Variants in PCDHGB2 observed in about 807,000 individuals in gnomAD.
PCDHGB2 encodes the protein protocadherin gamma-B2.
In PCDHGB2, 55 loss-of-function variants were observed where a neutral mutation model predicts 59.3. That is an observed-to-expected ratio of 0.93 (90% CI 0.75 to 1.16). PCDHGB2 has a LOEUF of 1.16. Among genes scored for constraint, PCDHGB2 ranks in the 50% most tolerant of loss-of-function variants. PCDHGB2 has a pLI of 0.00. For missense variants in PCDHGB2, 1,228 were observed against 1,198.5 expected (o/e 1.02, Z -0.36); for synonymous variants, 516 against 512.0 (o/e 1.01, Z -0.11).
At chr5:141,417,913 T>C in intron 1 of PCDHGB2, 1 of 1,601,944 alleles carries the variant, frequency 6.2e-7, no homozygotes, top group Admixed American at 1.8e-5. Context: ...AGGTACTATT[T>C]CCTTTGCTGC....
Position 141,505,463 on chromosome 5 carries a change from A to G in PCDHGB2, c.2551A>G (p.Ile851Val). 1 of 1,614,184 alleles carries G rather than the reference A, an allele frequency of 6.2e-7. No homozygotes were observed. Among genetic ancestry groups the G allele is most frequent in the East Asian group, 2.2e-5 (1 of 44,876 alleles). Residue 851 changes from isoleucine to valine, a missense_variant, in exon 3 of 4, where the codon ATC (isoleucine) becomes GTC (valine). Ile to Val is a conservative substitution (Grantham distance 29). Transcript: ENST00000522605. Reference protein sequence around the residue: ...QFDTEMLQAMILASASEAADG... With the variant: ...QFDTEMLQAMVLASASEAADG... ...TGACACAGAGATGCTGCAAGCCATG[A>G]TCTTGGCGTCCGCCAGTGGTAAGTG...
intron 2 of PCDHGB2, among the ~76,000 whole-genome samples, chr5:141,504,178 A>C (rs572543892): frequency 4.5e-4 from 69 of 152,366 alleles, no homozygotes; most frequent in Non-Finnish European, 7.6e-4. Context: ...AAATTCAAAA[A>C]AATCATGAAA....
intron 1 of PCDHGB2, chr5:141,393,880 T>A (rs1561645063): frequency 6.2e-7 from 1 of 1,614,004 alleles, no homozygotes; most frequent in Non-Finnish European, 8.5e-7. Context: ...TTTAGCCCAG[T>A]GTTAGAAAAT....
chr5:141,427,193 CTT>C (rs2096998045), intron 1 of PCDHGB2: 3 of 456,614 alleles, frequency 6.6e-6, no homozygotes, highest in Non-Finnish European at 8.8e-6. Context: ...AATCCAAAGA[CTT>C]AATAGACTTC....
At position 141,487,447 on chromosome 5, in the gene PCDHGB2, C is replaced by A. The variant is rs758411138; in HGVS notation, c.2422-7360C>A. 4.3e-6 allele frequency: 7 copies of A among 1,614,182 alleles called. No homozygotes were observed. The highest frequency in any genetic ancestry group is 5.9e-6 in the Non-Finnish European group (7 of 1,180,028). Reference sequence around the variant, plus strand: ...TCCGAATCCAGCTAGGGTCAGATGACCCTATCAAGTTTGTTGATGTGGGAG... The same window carrying A: ...TCCGAATCCAGCTAGGGTCAGATGAACCTATCAAGTTTGTTGATGTGGGAG... On this transcript the variant is annotated intron_variant, in intron 1 of 3. Coordinates refer to ENST00000522605, the MANE Select transcript of PCDHGB2 (RefSeq NM_018923.3). The surrounding 1 kb of genome is among the most constrained non-coding windows in gnomAD (Gnocchi z 5.0).
rs368512862 is a variant in PCDHGB2 at position 141,491,734 on chromosome 5, G to T, written c.2422-3073G>T. ...CTCGGCGCCGCCCCGGGCGACCCCT[G>T]GGGGCGGCACTGGAGAAGCCGCCCG... On this transcript the variant is annotated intron_variant, in intron 1 of 3. Transcript: ENST00000522605. The surrounding 1 kb of genome is among the most constrained non-coding windows in gnomAD (Gnocchi z 6.9). 2.5e-4 allele frequency: 403 copies of T among 1,602,056 alleles called. No individual in the cohort carries two copies. Among genetic ancestry groups the T allele is most frequent in the Non-Finnish European group, 3.2e-4 (380 of 1,174,948 alleles).
At chr5:141,384,888 T>C in intron 1 of PCDHGB2, 2 of 1,613,854 alleles carry the variant, frequency 1.2e-6, no homozygotes, top group Non-Finnish European at 1.7e-6. Context: ...TCACCGTGGC[T>C]GTGGCTGACA....
Position 141,490,318 on chromosome 5 carries a change from C to T in PCDHGB2, c.2422-4489C>T. ...ATTGGCCTCTTTGGCCAACCCTGTCCTAGAGAGCACACCAGTGGGCACAGT... is the reference window on the plus strand; with the variant it reads ...ATTGGCCTCTTTGGCCAACCCTGTCTTAGAGAGCACACCAGTGGGCACAGT... On this transcript the variant is annotated intron_variant, in intron 1 of 3. Transcript: ENST00000522605. The surrounding 1 kb of genome is among the most constrained non-coding windows in gnomAD (Gnocchi z 5.4). 1 of 1,614,220 alleles carries T rather than the reference C, an allele frequency of 6.2e-7. No homozygotes were observed.
At position 141,489,244 on chromosome 5, in the gene PCDHGB2, G is replaced by A. The variant is rs145484133; in HGVS notation, c.2422-5563G>A. ...TCCACAAAGGGACTTCTGGGTCATG[G>A]GGCCCAAGACACTCCCACAGCTCGC... On this transcript the variant is annotated intron_variant, in intron 1 of 3. Coordinates refer to ENST00000522605, the MANE Select transcript of PCDHGB2 (RefSeq NM_018923.3). This position sits in a 1 kb window ranked among gnomAD's most constrained non-coding sequence, Gnocchi z 4.5. 5 of 1,534,936 alleles carry A rather than the reference G, an allele frequency of 3.3e-6. No individual in the cohort carries two copies. In the African/African-American group the frequency reaches 5.5e-5, roughly 17 times the overall value.
rs143530538 is a variant in PCDHGB2 at position 141,490,323 on chromosome 5, G to A, written c.2422-4484G>A. 18 of 1,614,102 alleles carry A rather than the reference G, an allele frequency of 1.1e-5. No individual in the cohort carries two copies. Among genetic ancestry groups the A allele is most frequent in the Non-Finnish European group, 1.4e-5 (17 of 1,180,056 alleles). ...CCTCTTTGGCCAACCCTGTCCTAGA[G>A]AGCACACCAGTGGGCACAGTAGTGG... On this transcript the variant is annotated intron_variant, in intron 1 of 3. Transcript: ENST00000522605. This position sits in a 1 kb window ranked among gnomAD's most constrained non-coding sequence, Gnocchi z 5.4.
At chr5:141,399,590 T>C (rs1369616193) in intron 1 of PCDHGB2, 5 of 1,613,854 alleles carry the variant, frequency 3.1e-6, no homozygotes, top group Admixed American at 3.3e-5. Flanking sequence ...TACTCTATCA[T>C]GGCCAGCGAC....
intron 1 of PCDHGB2, among the ~76,000 whole-genome samples, chr5:141,458,081 G>GTTT (rs1259527184): frequency 6.6e-6 from 1 of 152,186 alleles, no homozygotes; most frequent in Non-Finnish European, 1.5e-5. Flanking sequence ...CTATATTGCC[G>GTTT]TAAGTTAAGA....
rs375487349 is a variant in PCDHGB2 at position 141,383,260 on chromosome 5, G to A, written c.2421+20704G>A. The A allele has an allele frequency of 7.3e-5, 118 of 1,613,782 alleles. 1 individual carries two copies. In the East Asian group the frequency reaches 2.5e-3, roughly 35 times the overall value. On this transcript the variant is annotated intron_variant, in intron 1 of 3. Coordinates refer to ENST00000522605, the MANE Select transcript of PCDHGB2 (RefSeq NM_018923.3). The stretch of plus-strand genomic sequence containing the variant: ...TAAAATGAATCTTTACCCTATAGAC[G>A]TGGAAATAATAGATATTAATGACAA...
chr5:141,503,221 C>T (rs528636727), intron 2 of PCDHGB2, among the ~76,000 whole-genome samples: 34 of 152,074 alleles, frequency 2.2e-4, no homozygotes, highest in Middle Eastern at 6.8e-3. Flanking sequence ...CCATGAGCAC[C>T]GTAAAGATGG....
At chr5:141,403,188 C>G (rs763950254) in intron 1 of PCDHGB2, 6 of 1,613,968 alleles carry the variant, frequency 3.7e-6, no homozygotes, top group Non-Finnish European at 4.2e-6. Context: ...TCTCTGAACC[C>G]GCGCAGCGGC....
At chr5:141,395,447 G>T in intron 1 of PCDHGB2, 1 of 645,040 alleles carries the variant, frequency 1.6e-6, no homozygotes, top group South Asian at 2.4e-5. Context: ...GGAAAAGATT[G>T]TTCAACCATT....
Position 141,432,479 on chromosome 5 carries a change from G to A in PCDHGB2, c.2422-62328G>A, listed in dbSNP as rs771261875. ...CGCCCTCCCCACGGACGGTTCCACT[G>A]GCGTGGAGCTGGCTCCCCGCTCCGC... On this transcript the variant is annotated intron_variant, in intron 1 of 3. Transcript: ENST00000522605. The surrounding 1 kb of genome is among the most constrained non-coding windows in gnomAD (Gnocchi z 6.0). The A allele has an allele frequency of 3.8e-5, 62 of 1,614,076 alleles. No individual in the cohort carries two copies. Among genetic ancestry groups the A allele is most frequent in the Non-Finnish European group, 4.9e-5 (58 of 1,180,052 alleles).
At chr5:141,365,996 AACG>A (rs1588620860) in intron 1 of PCDHGB2, 4 of 1,614,192 alleles carry the variant, frequency 2.5e-6, no homozygotes, top group Non-Finnish European at 3.4e-6. Context: ...GCTGGACCAG[AACG>A]ACAATACGCC....
At chr5:141,470,552 T>G (rs1303190360) in intron 1 of PCDHGB2, among the ~76,000 whole-genome samples, 1 of 151,966 alleles carries the variant, frequency 6.6e-6, no homozygotes, top group East Asian at 1.9e-4. Flanking sequence ...TTATTGAGAG[T>G]TTCCTCTGTG....
Sources: allele counts gnomAD v4.1 joint callset (sites outside exome capture counted in the v4.1 genomes callset), GRCh38; gene constraint gnomAD v4.1.1; non-coding constraint Gnocchi (gnomAD v3.1); transcripts MANE v1.5; gene names NCBI Gene and HGNC (gene_info 2026-07-23, HGNC 2026-07-21).